The following ABRAXAS1 variants were observed in gnomAD, a reference collection of about 807,000 sequenced individuals.
ABRAXAS1 encodes the protein BRCA1-A complex subunit Abraxas 1.
A neutral mutation model predicts 38.4 loss-of-function variants in ABRAXAS1; 26 were observed. The observed-to-expected ratio is 0.68, with a 90% CI of 0.50 to 0.94. The LOEUF (loss-of-function observed/expected upper bound fraction) is 0.94. ABRAXAS1 is among the 40% of genes least tolerant of loss of function. The pLI, the probability that ABRAXAS1 is intolerant of heterozygous loss-of-function variation, is 0.00. For synonymous variants in ABRAXAS1, 144 were observed against 165.5 expected (o/e 0.87, Z 1.00); for missense variants, 438 against 481.9 (o/e 0.91, Z 0.85).
At chr4:83,474,429 A>G (rs911348147) in intron 3 of ABRAXAS1, among the ~76,000 whole-genome samples, 4 of 151,948 alleles carry the variant, frequency 2.6e-5, no homozygotes, top group Non-Finnish European at 5.9e-5. Flanking sequence ...TGTAGTAAAC[A>G]AGGCCAGGCG....
chr4:83,471,188 CATCTTTTTTTTTT>C (rs1722570908), intron 4 of ABRAXAS1, among the ~76,000 whole-genome samples: 2 of 101,670 alleles, frequency 2.0e-5, no homozygotes, highest in South Asian at 3.9e-4. Context: ...TTGAAAGAAA[CATCTTTTTTTTTT>C]TTTTTTTTTT....
rs1356797965 is a variant in ABRAXAS1 at position 83,461,509 on chromosome 4, A to T, written c.*960T>A. ...CAGAATGATTTTCCAACTAGCAAAT[A>T]TAAGTATGCCTGGTTAAGATATCTT... On this transcript the variant is annotated 3_prime_UTR_variant, in exon 9 of 9. Transcript: ENST00000321945. 1 of 336,238 alleles carries T rather than the reference A, an allele frequency of 3.0e-6. No individual in the cohort carries two copies. The allele number at this position is 336,238 out of a possible 1,614,324, so 20.8% of individuals were successfully genotyped here.
intron 2 of ABRAXAS1, chr4:83,480,145 G>A (rs1433688004): frequency 4.2e-6 from 1 of 238,594 alleles, no homozygotes; most frequent in South Asian, 3.9e-5. Context: ...GAGGTGAGAG[G>A]ATCACTTGAG....
chr4:83,475,642 C>T (rs1240391410), intron 3 of ABRAXAS1, among the ~76,000 whole-genome samples: 1 of 152,104 alleles, frequency 6.6e-6, no homozygotes, highest in Non-Finnish European at 1.5e-5. Context: ...CAGTGTTTCA[C>T]CATGTTGCCC....
At position 83,461,900 on chromosome 4, in the gene ABRAXAS1, ATGT is replaced by A. The variant is rs1213035528; in HGVS notation, c.*566_*568del. Reference sequence around the variant, plus strand: ...GTAGGACAAATTTAAATTTTAGATGATGTTTTGCAAATTTATTGCATGATATCC... The same window carrying A: ...GTAGGACAAATTTAAATTTTAGATGATTTGCAAATTTATTGCATGATATCC... On this transcript the variant is annotated 3_prime_UTR_variant, in exon 9 of 9. Transcript: ENST00000321945. 4.8e-5 allele frequency: 11 copies of A among 229,032 alleles called. No individual in the cohort carries two copies. The highest frequency in any genetic ancestry group is 7.8e-5 in the Non-Finnish European group (9 of 115,656). The allele number at this position is 229,032 out of a possible 1,614,324, so 14.2% of individuals were successfully genotyped here. A position where few individuals can be genotyped will look rare whatever the true frequency, so the allele number is the denominator to read the frequency against.
chr4:83,484,778 C>A, intron 1 of ABRAXAS1: 1 of 443,722 alleles, frequency 2.3e-6, no homozygotes, highest in South Asian at 3.6e-5. Flanking sequence ...CGGAGGATAG[C>A]AGAGGGAGGG....
intron 2 of ABRAXAS1, among the ~76,000 whole-genome samples, chr4:83,477,061 C>T (rs924783458): frequency 2.0e-5 from 3 of 152,190 alleles, no homozygotes; most frequent in African/African-American, 7.2e-5. Context: ...ATAAACTCAC[C>T]TGTTAAAGGA....
Position 83,460,897 on chromosome 4 carries a change from C to T in ABRAXAS1, c.*1572G>A. Reference sequence around the variant, plus strand: ...CTCCAGCCTGGGTGACACAGGGAGACTCCATCTCAAAAAAAAAAATTGCAA... The same window carrying T: ...CTCCAGCCTGGGTGACACAGGGAGATTCCATCTCAAAAAAAAAAATTGCAA... On this transcript the variant is annotated 3_prime_UTR_variant, in exon 9 of 9. Coordinates refer to ENST00000321945, the MANE Select transcript of ABRAXAS1 (RefSeq NM_139076.3). 1 of 1,272,028 alleles carries T rather than the reference C, an allele frequency of 7.9e-7. No homozygotes were observed. Among genetic ancestry groups the T allele is most frequent in the South Asian group, 1.3e-5 (1 of 76,610 alleles). 78.8% of individuals were successfully genotyped at this position (1,272,028 alleles called of 1,614,324 possible). A position where few individuals can be genotyped will look rare whatever the true frequency, so the allele number is the denominator to read the frequency against.
In ABRAXAS1 at chr4:83,460,441, C is replaced by T. The variant is rs1722044674; in HGVS notation, c.*2028G>A. On this transcript the variant is annotated 3_prime_UTR_variant, in exon 9 of 9. Transcript: ENST00000321945. ...AAGTGCTGGGATTACAGGTGTGAGCCACTGCACCCAACCCCACTTGTTTTT... is the reference window on the plus strand; with the variant it reads ...AAGTGCTGGGATTACAGGTGTGAGCTACTGCACCCAACCCCACTTGTTTTT... The T allele has an allele frequency of 6.5e-6, 1 of 152,724 alleles. No individual in the cohort carries two copies. The highest frequency in any genetic ancestry group is 2.4e-5 in the African/African-American group (1 of 41,308). The allele number at this position is 152,724 out of a possible 1,614,324, so 9.5% of individuals were successfully genotyped here.
chr4:83,465,003 A>T (rs1437168466), intron 7 of ABRAXAS1, among the ~76,000 whole-genome samples: 3 of 152,198 alleles, frequency 2.0e-5, no homozygotes, highest in Non-Finnish European at 2.9e-5. Flanking sequence ...TACTGCCATT[A>T]AAAATAAAGA....
intron 4 of ABRAXAS1, among the ~76,000 whole-genome samples, chr4:83,471,884 A>C (rs1267427052): frequency 6.6e-6 from 1 of 151,922 alleles, no homozygotes; most frequent in African/African-American, 2.4e-5. Context: ...AAAACAAAAC[A>C]AAAAAAACCA....
chr4:83,464,216 C>G (rs1289378817), intron 7 of ABRAXAS1, among the ~76,000 whole-genome samples: 2 of 151,526 alleles, frequency 1.3e-5, no homozygotes, highest in South Asian at 2.1e-4. Context: ...AACTTTGAAA[C>G]AAAAAAAATA....
rs1722418479 is a variant in ABRAXAS1 at position 83,467,533 on chromosome 4, T to G, written c.602A>C (p.Lys201Thr). The change falls in exon 7 of 9, where the codon AAA becomes ACA. Residue 201 changes from lysine (K) to threonine (T), a missense_variant. Transcript: ENST00000321945. ...FSRAVQTHSS[K>T]FFEEDGSLKE... is the part of the protein sequence containing the mutation. ...TAAGGATCCATCTTCTTCAAAAAAT[T>G]TAGAGCTGTAAAAAATTACCATTTC... The G allele has an allele frequency of 7.2e-6, 11 of 1,519,488 alleles. No homozygotes were observed. The highest frequency in any genetic ancestry group is 1.4e-5 in the African/African-American group (1 of 72,908). 94.1% of individuals were successfully genotyped at this position (1,519,488 alleles called of 1,614,324 possible).
intron 2 of ABRAXAS1, among the ~76,000 whole-genome samples, chr4:83,481,758 T>A (rs998211997): frequency 8.5e-5 from 13 of 152,150 alleles, no homozygotes; most frequent in Non-Finnish European, 1.5e-4. Context: ...TTTCTTATTT[T>A]TCTTTTTTTG....
Position 83,460,928 on chromosome 4 carries a change from A to G in ABRAXAS1, c.*1541T>C. On this transcript the variant is annotated 3_prime_UTR_variant, in exon 9 of 9. Transcript: ENST00000321945. ...CTCAAAAAAAAAAATTGCAAACTTT[A>G]AATATTGACATTTTTTATGAATAAG... 6.4e-7 allele frequency: 1 copy of G among 1,559,448 alleles called. No individual in the cohort carries two copies. Among genetic ancestry groups the G allele is most frequent in the South Asian group, 1.2e-5 (1 of 84,574 alleles).
intron 8 of ABRAXAS1, 66 bp from the exon 9 acceptor site, chr4:83,462,968 T>C (rs933886455): frequency 9.0e-7 from 1 of 1,111,010 alleles, no homozygotes; most frequent in Non-Finnish European, 1.3e-6. Flanking sequence ...TAATTAACTA[T>C]TTGTAAGTAA....
At position 83,470,033 on chromosome 4, in the gene ABRAXAS1, C is replaced by T. The variant is rs1041475740; in HGVS notation, c.476+170G>A. On this transcript the variant is annotated intron_variant, in intron 5 of 8. Coordinates refer to ENST00000321945, the MANE Select transcript of ABRAXAS1 (RefSeq NM_139076.3). ...CTGGGCTTCTAATTTCCTTGTCTGA[C>T]CATTATTTTCCCACCTATAAATTAA... The T allele has an allele frequency of 1.6e-5, 8 of 490,494 alleles. 1 individual carries two copies. In the East Asian group the frequency reaches 2.6e-4, roughly 16 times the overall value. 30.4% of individuals were successfully genotyped at this position (490,494 alleles called of 1,614,324 possible).
At chr4:83,467,337 G>A in intron 7 of ABRAXAS1, 117 bp downstream of exon 7, 3 of 651,742 alleles carry the variant, frequency 4.6e-6, no homozygotes, top group Non-Finnish European at 8.1e-6. Context: ...CCTTCATTAA[G>A]CAACTCATAA....
Position 83,462,015 on chromosome 4 carries a change from T to TA in ABRAXAS1, c.*453dup. The TA allele has an allele frequency of 4.4e-6, 1 of 228,458 alleles. No individual in the cohort carries two copies. The highest frequency in any genetic ancestry group is 8.7e-6 in the Non-Finnish European group (1 of 115,108). 14.2% of individuals were successfully genotyped at this position (228,458 alleles called of 1,614,324 possible). A position where few individuals can be genotyped will look rare whatever the true frequency, so the allele number is the denominator to read the frequency against. On this transcript the variant is annotated 3_prime_UTR_variant, in exon 9 of 9. Coordinates refer to ENST00000321945, the MANE Select transcript of ABRAXAS1 (RefSeq NM_139076.3). ...TTTTAATGACTCAGATAAATTTTCA[T>TA]ATAAATTTCTTTCCATATTTTGAAA... is the stretch of plus-strand genomic sequence containing the variant.
Sources: gnomAD v4.1 joint callset for allele counts (sites outside exome capture counted in the v4.1 genomes callset) on GRCh38, gnomAD v4.1.1 for gene constraint, MANE v1.5 for transcripts, NCBI Gene and HGNC (gene_info 2026-07-23, HGNC 2026-07-21) for gene names.